Variants in FAT3 observed in about 807,000 individuals in gnomAD.
The protein encoded by FAT3 is protocadherin Fat 3.
FAT3 carries 95 observed loss-of-function variants against 310.2 expected under a neutral mutation model. The ratio of observed to expected loss-of-function variants is 0.31; its 90% CI spans 0.26 to 0.36. The LOEUF is 0.36. FAT3 is among the 10% of genes least tolerant of loss of function. FAT3 has a pLI of 1.00. For synonymous variants in FAT3, 2,314 were observed against 2,192.9 expected (o/e 1.06, Z -1.54); for missense variants, 5,408 against 5,715.6 (o/e 0.95, Z 1.74).
intron 1 of FAT3, among the ~76,000 whole-genome samples, chr11:92,231,781 C>T (rs1409367799): frequency 9.5e-5 from 14 of 147,856 alleles, no homozygotes; most frequent in African/African-American, 3.5e-4. Context: ...GACAAATGTG[C>T]TTAATGACAG....
chr11:92,511,853 A>T (rs1422907177), intron 2 of FAT3, among the ~76,000 whole-genome samples: 2 of 152,244 alleles, frequency 1.3e-5, no homozygotes, highest in Non-Finnish European at 2.9e-5. Context: ...CAGAGAACAT[A>T]TAATATTGAA....
intron 3 of FAT3, among the ~76,000 whole-genome samples, chr11:92,578,896 G>T (rs1475972812): frequency 6.6e-6 from 1 of 152,058 alleles, no homozygotes; most frequent in Non-Finnish European, 1.5e-5. Context: ...TGCTGGAAAG[G>T]TAATTAAGTA....
chr11:92,703,696 G>A (rs1381914412), intron 4 of FAT3, among the ~76,000 whole-genome samples: 1 of 152,186 alleles, frequency 6.6e-6, no homozygotes, highest in Admixed American at 6.5e-5. Flanking sequence ...CACTCTTTCT[G>A]TTTTTACTTC....
intron 3 of FAT3, among the ~76,000 whole-genome samples, chr11:92,568,937 C>A (rs935763748): frequency 2.6e-5 from 4 of 152,136 alleles, no homozygotes; most frequent in African/African-American, 9.7e-5. Flanking sequence ...CTCTCTTCCC[C>A]TCACTAGACT....
intron 2 of FAT3, among the ~76,000 whole-genome samples, chr11:92,512,133 T>TA (rs1953311759): frequency 6.6e-6 from 1 of 152,140 alleles, no homozygotes; most frequent in South Asian, 2.1e-4. Flanking sequence ...ATCCCCAATT[T>TA]AAAAAAAGTG....
At position 92,894,791 on chromosome 11, in the gene FAT3, A is replaced by T. The variant is rs191529838; in HGVS notation, c.*3678A>T. The T allele has an allele frequency of 6.6e-6, 1 of 152,184 alleles. No homozygotes were observed. The highest frequency in any genetic ancestry group is 2.4e-5 in the African/African-American group (1 of 41,450). 9.4% of individuals were successfully genotyped at this position (152,184 alleles called of 1,614,324 possible). A position where few individuals can be genotyped will look rare whatever the true frequency, so the allele number is the denominator to read the frequency against. ...TGGTCCATGCTTTGAGGTTCATCCA[A>T]TTAGGGAATAAATGTGAAAGGCTGG... On this transcript the variant is annotated 3_prime_UTR_variant, in exon 28 of 28. Transcript: ENST00000525166.
At position 92,667,169 on chromosome 11, in the gene FAT3, C is replaced by G. The variant is rs143246389; in HGVS notation, c.3608-30215C>G. Reference sequence around the variant, plus strand: ...GTAACTTTCATATCTGTGATGCCAACTTGGTATTAGATCTGATTTAGCTAC... The same window carrying G: ...GTAACTTTCATATCTGTGATGCCAAGTTGGTATTAGATCTGATTTAGCTAC... On this transcript the variant is annotated intron_variant, in intron 3 of 27. Coordinates refer to ENST00000525166, the MANE Select transcript of FAT3 (RefSeq NM_001367949.2). Among the ~76,000 whole-genome samples, 4 of 152,304 alleles carry G rather than the reference C, an allele frequency of 2.6e-5. No homozygotes were observed. In the East Asian group the frequency reaches 7.7e-4, roughly 29 times the overall value.
chr11:92,875,992 G>C (rs991485203), intron 22 of FAT3, among the ~76,000 whole-genome samples: 4 of 152,164 alleles, frequency 2.6e-5, no homozygotes, highest in African/African-American at 9.7e-5. Flanking sequence ...TTAGAATCCA[G>C]TTTCCATGAT....
intron 3 of FAT3, among the ~76,000 whole-genome samples, chr11:92,627,184 T>C (rs1159169821): frequency 6.6e-6 from 1 of 152,144 alleles, no homozygotes; most frequent in Non-Finnish European, 1.5e-5. Flanking sequence ...TAATGAATGT[T>C]CGTCGCTGAT....
chr11:92,667,238 C>T (rs1008528711), intron 3 of FAT3, among the ~76,000 whole-genome samples: 30 of 152,190 alleles, frequency 2.0e-4, no homozygotes, highest in African/African-American at 6.5e-4. Context: ...CCATTTAAAA[C>T]ATTTTTATAA....
chr11:92,255,552 C>A (rs1295641663), intron 1 of FAT3, among the ~76,000 whole-genome samples: 1 of 151,914 alleles, frequency 6.6e-6, no homozygotes, highest in Admixed American at 6.6e-5. Context: ...TGGAGAGGAG[C>A]CATTATGGGC....
At chr11:92,754,965 A>G (rs150561254) in intron 4 of FAT3, among the ~76,000 whole-genome samples, 4 of 152,310 alleles carry the variant, frequency 2.6e-5, no homozygotes, top group African/African-American at 9.6e-5. Flanking sequence ...AAATAGAAAG[A>G]TAAATGCCAC....
intron 1 of FAT3, among the ~76,000 whole-genome samples, chr11:92,262,313 G>A (rs573915304): frequency 4.6e-5 from 7 of 152,260 alleles, no homozygotes; most frequent in African/African-American, 1.4e-4. Context: ...CCTGTAAGTA[G>A]TGTCTTTTTC....
chr11:92,711,439 T>G (rs1437718713), intron 4 of FAT3, among the ~76,000 whole-genome samples: 1 of 152,176 alleles, frequency 6.6e-6, no homozygotes, highest in Admixed American at 6.5e-5. Context: ...GAGGCCCTAG[T>G]GATACTTCTG....
rs542322785 is a variant in FAT3 at position 92,723,868 on chromosome 11, C to G, written c.3669+26423C>G. 1.4e-4 allele frequency among the ~76,000 whole-genome samples: 21 copies of G among 152,292 alleles called. No homozygotes were observed. The East Asian group carries it at 3.5e-3, about 25-fold the overall frequency. On this transcript the variant is annotated intron_variant, in intron 4 of 27. Coordinates refer to ENST00000525166, the MANE Select transcript of FAT3 (RefSeq NM_001367949.2). ...CAAGTACCTCCCACCAGGTCCCTCCCACAACACGTGGGAATTCAAGATGAG... is the reference window on the plus strand; with the variant it reads ...CAAGTACCTCCCACCAGGTCCCTCCGACAACACGTGGGAATTCAAGATGAG...
At chr11:92,877,405 C>T (rs1450970817) in intron 22 of FAT3, among the ~76,000 whole-genome samples, 5 of 152,172 alleles carry the variant, frequency 3.3e-5, no homozygotes, top group African/African-American at 1.2e-4. Flanking sequence ...TGTGACGAGG[C>T]CTGCAGGTGA....
At chr11:92,234,567 G>T (rs1325554075) in intron 1 of FAT3, among the ~76,000 whole-genome samples, 1 of 151,900 alleles carries the variant, frequency 6.6e-6, no homozygotes, top group Non-Finnish European at 1.5e-5. Context: ...AGCAGTTCGA[G>T]ACCTGCCTGG....
chr11:92,389,568 T>TA (rs1949702145), intron 2 of FAT3, among the ~76,000 whole-genome samples: 1 of 152,228 alleles, frequency 6.6e-6, no homozygotes, highest in African/African-American at 2.4e-5. Flanking sequence ...TAGAATATCT[T>TA]AAGGCAGAAC....
intron 2 of FAT3, among the ~76,000 whole-genome samples, chr11:92,481,404 A>C (rs76602515): frequency 2.0e-5 from 3 of 152,300 alleles, no homozygotes; most frequent in African/African-American, 7.2e-5. Flanking sequence ...AGGATAAGCT[A>C]TATGGTTATA....
Sources: allele counts gnomAD v4.1 joint callset (sites outside exome capture counted in the v4.1 genomes callset), GRCh38; gene constraint gnomAD v4.1.1; transcripts MANE v1.5; gene names NCBI Gene and HGNC (gene_info 2026-07-23, HGNC 2026-07-21).